Variants in FOXN4 observed in about 807,000 individuals in gnomAD.
FOXN4 encodes the protein forkhead box protein N4.
A neutral mutation model predicts 45.0 loss-of-function variants in FOXN4; 12 were observed. The observed-to-expected ratio is 0.27, with a 90% CI of 0.17 to 0.43. FOXN4 has a LOEUF of 0.43. FOXN4 is among the 20% of genes least tolerant of loss of function. FOXN4 has a pLI of 1.00. For synonymous variants in FOXN4, 297 were observed against 295.0 expected (o/e 1.01, Z -0.07); for missense variants, 560 against 694.9 (o/e 0.81, Z 2.18).
intron 8 of FOXN4, among the ~76,000 whole-genome samples, chr12:109,283,475 C>CT (rs5800847): frequency 0.025 from 3,271 of 129,662 alleles, 102 homozygotes; most frequent in East Asian, 0.095. Flanking sequence ...TGTTTGAGAA[C>CT]TTTTTTTTTT....
chr12:109,300,671 G>A (rs930475017), intron 2 of FOXN4, among the ~76,000 whole-genome samples: 1 of 152,202 alleles, frequency 6.6e-6, no homozygotes, highest in African/African-American at 2.4e-5. Flanking sequence ...CGCTTTGGGA[G>A]GCTGATGCAG....
intron 2 of FOXN4, among the ~76,000 whole-genome samples, chr12:109,297,084 A>C (rs996597449): frequency 1.3e-5 from 2 of 152,246 alleles, no homozygotes; most frequent in Non-Finnish European, 2.9e-5. Flanking sequence ...TGGGTTGGCC[A>C]CAACAACCCT....
chr12:109,298,333 T>TTG (rs1224692046), intron 2 of FOXN4, among the ~76,000 whole-genome samples: 285 of 128,340 alleles, frequency 2.2e-3, no homozygotes, highest in African/African-American at 8.6e-3. Flanking sequence ...TGTTTCAGGT[T>TTG]TTTTTTTTTT....
At chr12:109,294,932 T>C (rs892590557) in intron 2 of FOXN4, among the ~76,000 whole-genome samples, 1 of 152,176 alleles carries the variant, frequency 6.6e-6, no homozygotes, top group African/African-American at 2.4e-5. Flanking sequence ...TCATTTGAGA[T>C]GTTGTAAACT....
In FOXN4 at chr12:109,286,693, C is replaced by T. The variant is rs1231815603; in HGVS notation, c.648G>A (p.Val216=). 1.9e-6 allele frequency: 3 copies of T among 1,607,906 alleles called. No individual in the cohort carries two copies. Among genetic ancestry groups the T allele is most frequent in the Non-Finnish European group, 1.7e-6 (2 of 1,179,008 alleles). ...LKNSKTGSLP[V]SEIYSFMKEH... is the part of the protein sequence containing the mutation. The stretch of plus-strand genomic sequence containing the variant: ...CCTTCATGAAGCTGTAGATCTCGCT[C>T]ACAGGCAGGCTGCCTGTCTTGCTGT... The change falls in exon 7 of 10, where the codon GTG becomes GTA. Residue 216 remains valine (V), a synonymous_variant. Coordinates refer to ENST00000299162, the MANE Select transcript of FOXN4 (RefSeq NM_213596.3).
Position 109,309,176 on chromosome 12 carries a change from C to T in FOXN4, c.-61G>A, listed in dbSNP as rs2047946562. ...GGCGCTCCGGGGGTGGGCAGGGGTT[C>T]CGGAGGGGGGCTCCCTCGCGCTCGC... On this transcript the variant is annotated 5_prime_UTR_variant, in exon 1 of 10. Transcript: ENST00000299162. This position sits in a 1 kb window ranked among gnomAD's most constrained non-coding sequence, Gnocchi z 5.0. 1 of 152,276 alleles carries T rather than the reference C, an allele frequency of 6.6e-6. No individual in the cohort carries two copies. The highest frequency in any genetic ancestry group is 1.5e-5 in the Non-Finnish European group (1 of 68,104). 9.4% of individuals were successfully genotyped at this position (152,276 alleles called of 1,614,324 possible). A position where few individuals can be genotyped will look rare whatever the true frequency, so the allele number is the denominator to read the frequency against.
At position 109,288,049 on chromosome 12, in the gene FOXN4, C is replaced by CACTT; in HGVS notation, c.357+3_357+6dup. 2.6e-6 allele frequency: 4 copies of CACTT among 1,550,274 alleles called. No homozygotes were observed. The highest frequency in any genetic ancestry group is 2.6e-6 in the Non-Finnish European group (3 of 1,146,662). On this transcript the variant is annotated splice_region_variant and intron_variant, in intron 4 of 9. Transcript: ENST00000299162. The surrounding 1 kb of genome is among the most constrained non-coding windows in gnomAD (Gnocchi z 4.3). ...CCGCCCTCCGCAGTCCATGCAGTGC[C>CACTT]ACTTACGCTGTCTCTGTGGCCAGTT...
chr12:109,304,269 AAGAAAGAAAGAAAGAAAGAAAGAAAGG>A (rs2047896796), intron 2 of FOXN4, among the ~76,000 whole-genome samples: 1 of 91,794 alleles, frequency 1.1e-5, no homozygotes, highest in African/African-American at 4.7e-5. Flanking sequence ...GAAAGAAAGA[AAGAAAGAAAGAAAGAAAGAAAGAAAGG>A]AGAAAGAAAG....
At chr12:109,285,589 T>C (rs2047702340) in intron 7 of FOXN4, 78 bp from the exon 8 acceptor site, 4 of 1,484,220 alleles carry the variant, frequency 2.7e-6, no homozygotes, top group Non-Finnish European at 3.7e-6. Context: ...CTCAGGCCTA[T>C]AGGGGCAGGA....
At chr12:109,308,820 A>G (rs1392018964) in intron 1 of FOXN4, among the ~76,000 whole-genome samples, 2 of 152,206 alleles carry the variant, frequency 1.3e-5, no homozygotes, top group Admixed American at 6.5e-5. Flanking sequence ...AAATGCCACA[A>G]GCCCTTACTG....
chr12:109,304,288 A>AAAGAAAGAAAGG (rs1566005711), intron 2 of FOXN4, among the ~76,000 whole-genome samples: 12 of 50,680 alleles, frequency 2.4e-4, no homozygotes, highest in African/African-American at 8.9e-4. Flanking sequence ...AGAAAGAAAG[A>AAAGAAAGAAAGG]AAGAAAGGAG....
intron 2 of FOXN4, among the ~76,000 whole-genome samples, chr12:109,295,146 C>T (rs909956712): frequency 8.5e-5 from 13 of 152,154 alleles, no homozygotes; most frequent in Admixed American, 8.5e-4. Context: ...GGTGTGGAGG[C>T]GGAGTGGCTT....
intron 9 of FOXN4, 68 bp from the exon 10 acceptor site, chr12:109,279,998 C>G (rs2047637267): frequency 6.3e-7 from 1 of 1,594,782 alleles, no homozygotes; most frequent in African/African-American, 1.3e-5. Context: ...AATCCCCCAT[C>G]TTAGGGAAGA....
chr12:109,279,771 T>C lies in FOXN4; in HGVS notation c.1454A>G (p.Tyr485Cys), dbSNP rs1441542112. ...ACTGTCCGGAGTGGAGTACGCTGTG[T>C]AGAGACCCGTCACCTGCAAGTCTGG... ...SFPDLQVTGL[Y>C]TAYSTPDSVA... The change falls in exon 10 of 10, where the codon TAC (tyrosine) becomes TGC (cysteine). Residue 485 changes from tyrosine to cysteine, a missense_variant. Physicochemically the swap from Tyr to Cys is radical, Grantham distance 194 (BLOSUM62 -2). This residue lies in a region of FOXN4 where 315 missense variants were observed against 350.5 expected (regional missense o/e 0.90). Coordinates refer to ENST00000299162, the MANE Select transcript of FOXN4 (RefSeq NM_213596.3). The C allele has an allele frequency of 6.2e-7, 1 of 1,600,292 alleles. No homozygotes were observed. The highest frequency in any genetic ancestry group is 1.1e-5 in the South Asian group (1 of 88,770).
At chr12:109,279,966 C>T in intron 9 of FOXN4, 36 bp from the exon 10 acceptor site, 1 of 1,609,866 alleles carries the variant, frequency 6.2e-7, no homozygotes, top group Non-Finnish European at 8.5e-7. Flanking sequence ...GAGCTGGCTT[C>T]CCATCAAATG....
chr12:109,279,504 G>T lies in FOXN4; in HGVS notation c.*167C>A. 1 of 1,000,990 alleles carries T rather than the reference G, an allele frequency of 1.0e-6. No individual in the cohort carries two copies. The highest frequency in any genetic ancestry group is 1.4e-6 in the Non-Finnish European group (1 of 697,652). 62.0% of individuals were successfully genotyped at this position (1,000,990 alleles called of 1,614,324 possible). On this transcript the variant is annotated 3_prime_UTR_variant, in exon 10 of 10. Transcript: ENST00000299162. ...GCTCCAGGGGGAGGCACGAGAAGGA[G>T]AGGGGCTGCTGAGGGGAACCGCTTC...
Position 109,290,316 on chromosome 12 carries a change from G to A in FOXN4, c.87-30C>T. The A allele has an allele frequency of 6.6e-7, 1 of 1,522,102 alleles. No individual in the cohort carries two copies. 94.3% of individuals were successfully genotyped at this position (1,522,102 alleles called of 1,614,324 possible). A position where few individuals can be genotyped will look rare whatever the true frequency, so the allele number is the denominator to read the frequency against. Reference sequence around the variant, plus strand: ...AAAGAGGAACAGAGAACTCGGGCGGGAGGGGGAGCTTAGGCCAGCTCCTGG... The same window carrying A: ...AAAGAGGAACAGAGAACTCGGGCGGAAGGGGGAGCTTAGGCCAGCTCCTGG... On this transcript the variant is annotated intron_variant, in intron 2 of 9. Coordinates refer to ENST00000299162, the MANE Select transcript of FOXN4 (RefSeq NM_213596.3). The surrounding 1 kb of genome is among the most constrained non-coding windows in gnomAD (Gnocchi z 5.1).
intron 2 of FOXN4, among the ~76,000 whole-genome samples, chr12:109,299,448 T>C (rs990718195): frequency 7.2e-5 from 11 of 151,912 alleles, no homozygotes; most frequent in Non-Finnish European, 1.2e-4. Flanking sequence ...CCACAGACCC[T>C]AGAGGCTTCA....
chr12:109,284,900 CTGTGTGTGCATT>C (rs1478209630), intron 8 of FOXN4, among the ~76,000 whole-genome samples: 1 of 127,804 alleles, frequency 7.8e-6, no homozygotes, highest in Non-Finnish European at 1.6e-5. Context: ...GTGTATTGGT[CTGTGTGTGCATT>C]TGTGTGTGTG....
Sources: gnomAD v4.1 joint callset for allele counts (sites outside exome capture counted in the v4.1 genomes callset) on GRCh38, gnomAD v4.1.1 for gene constraint, gnomAD v4.1.1 regional missense constraint, Gnocchi (gnomAD v3.1) non-coding constraint, MANE v1.5 for transcripts, NCBI Gene and HGNC (gene_info 2026-07-23, HGNC 2026-07-21) for gene names.